The following DEFB108B variants were observed in gnomAD, a reference collection of about 807,000 sequenced individuals.
DEFB108B encodes beta-defensin 108B.
A neutral mutation model predicts 2.4 loss-of-function variants in DEFB108B; 3 were observed. The observed-to-expected ratio is 1.25, with a 90% confidence interval of 0.57 to 3.24. DEFB108B has a LOEUF of 3.24. Ranked by LOEUF, DEFB108B falls within the 30% of genes most tolerant of loss-of-function variation. The pLI is 0.03. For synonymous variants in DEFB108B, 25 were observed against 28.7 expected (o/e 0.87, Z 0.41); for missense variants, 101 against 87.8 (o/e 1.15, Z -0.60).
chr11:71,834,397 A>T (rs754261402), intron 1 of DEFB108B, among the ~76,000 whole-genome samples: 2 of 152,214 alleles, frequency 1.3e-5, no homozygotes, highest in Non-Finnish European at 2.9e-5. Context: ...ATATTTTAAA[A>T]TATGTGTCTT....
rs1952191847 is a variant in DEFB108B at position 71,833,263 on chromosome 11, A to G, written c.58+6A>G. ...TATGAGCCAAGTTCTACCAGGTAAC[A>G]AAATAAACTTGGTAAGAGTAGAGTG... On this transcript the variant is annotated splice_donor_region_variant and intron_variant, in intron 1 of 1. Coordinates refer to ENST00000328698, the MANE Select transcript of DEFB108B (RefSeq NM_001002035.2). The G allele has an allele frequency of 5.2e-6, 8 of 1,547,278 alleles. No homozygotes were observed. The East Asian group carries it at 1.6e-4, about 30-fold the overall frequency.
In DEFB108B at chr11:71,837,500, C is replaced by A. The variant is rs1211992418; in HGVS notation, c.160C>A (p.Pro54Thr). 1.9e-6 allele frequency: 3 copies of A among 1,611,796 alleles called. No homozygotes were observed. The highest frequency in any genetic ancestry group is 2.2e-5 in the East Asian group (1 of 44,902). ...TGTTGGGAGATGTTTAAATAGCCAA[C>A]CCTGCTGCCTGCCTCTGGGGCATCA... ...IHVGRCLNSQPCCLPLGHQPR... is the reference protein window; with the variant it reads ...IHVGRCLNSQTCCLPLGHQPR... The change falls in exon 2 of 2, where the codon CCC becomes ACC. Residue 54 changes from proline to threonine, a missense_variant. Coordinates refer to ENST00000328698, the MANE Select transcript of DEFB108B (RefSeq NM_001002035.2).
intron 1 of DEFB108B, chr11:71,834,587 A>C (rs946584127): frequency 7.2e-5 from 11 of 152,234 alleles, no homozygotes; most frequent in African/African-American, 2.7e-4. Context: ...ACAAGACTGG[A>C]GAAGAAAACA....
In DEFB108B at chr11:71,835,310, C is replaced by T. The variant is rs111859745; in HGVS notation, c.58+2053C>T. Among the ~76,000 whole-genome samples the T allele has an allele frequency of 5.4e-3, 826 of 152,156 alleles. 7 individuals carry two copies. Among genetic ancestry groups the T allele is most frequent in the African/African-American group, 0.019 (794 of 41,486 alleles). On this transcript the variant is annotated intron_variant, in intron 1 of 1. Coordinates refer to ENST00000328698, the MANE Select transcript of DEFB108B (RefSeq NM_001002035.2). Reference sequence around the variant, plus strand: ...ATGTCCATGTGCACTTATTGCTCGGCCCCCCCTTATAACTGAGAATATGTG... The same window carrying T: ...ATGTCCATGTGCACTTATTGCTCGGTCCCCCCTTATAACTGAGAATATGTG...
At chr11:71,833,732 G>A (rs569590020) in intron 1 of DEFB108B, among the ~76,000 whole-genome samples, 1 of 152,242 alleles carries the variant, frequency 6.6e-6, no homozygotes, top group South Asian at 2.1e-4. Flanking sequence ...AATACTGTTG[G>A]TCACTGGGGC....
intron 1 of DEFB108B, among the ~76,000 whole-genome samples, chr11:71,836,697 G>A (rs1235193535): frequency 1.3e-5 from 2 of 152,122 alleles, no homozygotes; most frequent in Non-Finnish European, 2.9e-5. Context: ...CTTAATATAT[G>A]CAATGGTTTC....
intron 1 of DEFB108B, among the ~76,000 whole-genome samples, chr11:71,835,307 C>T (rs980919891): frequency 1.4e-4 from 21 of 152,178 alleles, no homozygotes; most frequent in Middle Eastern, 3.4e-3. Flanking sequence ...ACTTATTGCT[C>T]GGCCCCCCCT....
rs1489562392 is a variant in DEFB108B, at chr11:71,837,571, G to A, written c.*9G>A. The A allele has an allele frequency of 6.2e-7, 1 of 1,607,518 alleles. No individual in the cohort carries two copies. Among genetic ancestry groups the A allele is most frequent in the Non-Finnish European group, 8.5e-7 (1 of 1,177,482 alleles). On this transcript the variant is annotated 3_prime_UTR_variant, in exon 2 of 2. Coordinates refer to ENST00000328698, the MANE Select transcript of DEFB108B (RefSeq NM_001002035.2). ...CACCCAAAAAGGACTGAAGCCTGTTGTTTTCTGGAGGTTTTATGTTCTCTT... is the reference window on the plus strand; with the variant it reads ...CACCCAAAAAGGACTGAAGCCTGTTATTTTCTGGAGGTTTTATGTTCTCTT...
intron 1 of DEFB108B, among the ~76,000 whole-genome samples, chr11:71,833,984 A>G (rs1955061): frequency 0.74 from 111,843 of 152,126 alleles, 42,396 homozygotes; most frequent in African/African-American, 0.92. Context: ...GACACCCAAA[A>G]TAGATCCAAA....
chr11:71,836,320 C>T (rs1205950114), intron 1 of DEFB108B, among the ~76,000 whole-genome samples: 3 of 152,112 alleles, frequency 2.0e-5, no homozygotes, highest in Non-Finnish European at 4.4e-5. Context: ...TGCTTTGTGA[C>T]CACTGAAAAG....
intron 1 of DEFB108B, among the ~76,000 whole-genome samples, chr11:71,833,632 C>A (rs1480059730): frequency 6.6e-6 from 1 of 152,228 alleles, no homozygotes; most frequent in Non-Finnish European, 1.5e-5. Flanking sequence ...TATGCCAAAG[C>A]TGTGGTAGGC....
intron 1 of DEFB108B, among the ~76,000 whole-genome samples, chr11:71,834,083 A>G (rs563253630): frequency 1.3e-5 from 2 of 152,314 alleles, no homozygotes; most frequent in South Asian, 4.1e-4. Flanking sequence ...GAAAAAAATT[A>G]AGGCCCTGGA....
intron 1 of DEFB108B, among the ~76,000 whole-genome samples, chr11:71,833,830 C>G (rs145094229): frequency 0.011 from 1,645 of 152,282 alleles, 22 homozygotes; most frequent in Middle Eastern, 0.031. Flanking sequence ...AATTTAAACA[C>G]AGGAACCAGG....
chr11:71,837,575 T>C lies in DEFB108B; in HGVS notation c.*13T>C, dbSNP rs1224120781. On this transcript the variant is annotated 3_prime_UTR_variant, in exon 2 of 2. Transcript: ENST00000328698. ...CAAAAAGGACTGAAGCCTGTTGTTT[T>C]CTGGAGGTTTTATGTTCTCTTTTTT... 6.2e-7 allele frequency: 1 copy of C among 1,607,594 alleles called. No homozygotes were observed. Among genetic ancestry groups the C allele is most frequent in the Admixed American group, 1.7e-5 (1 of 59,608 alleles).
At chr11:71,835,288 T>A (rs1219295122) in intron 1 of DEFB108B, among the ~76,000 whole-genome samples, 1 of 152,138 alleles carries the variant, frequency 6.6e-6, no homozygotes, top group Non-Finnish European at 1.5e-5. Context: ...CATTTTTATG[T>A]CCATGTGCAC....
chr11:71,837,530 A>G lies in DEFB108B; in HGVS notation c.190A>G (p.Arg64Gly), dbSNP rs762496329. ...CTGCCTGCCTCTGGGGCATCAACCA[A>G]GAATTGAGAGCACTACACCCAAAAA... ...PCCLPLGHQP[R>G]IESTTPKKD The change falls in exon 2 of 2, where the codon AGA becomes GGA. Residue 64 changes from arginine to glycine, a missense_variant. By Grantham distance (125) the Arg-to-Gly change is moderately radical. Coordinates refer to ENST00000328698, the MANE Select transcript of DEFB108B (RefSeq NM_001002035.2). The G allele has an allele frequency of 9.3e-6, 15 of 1,611,768 alleles. No homozygotes were observed. In the South Asian group the frequency reaches 1.4e-4, roughly 15 times the overall value.
intron 1 of DEFB108B, chr11:71,834,727 G>T (rs1346000665): frequency 6.6e-6 from 1 of 152,246 alleles, no homozygotes; most frequent in Non-Finnish European, 1.5e-5. Flanking sequence ...CAGAGAGAGG[G>T]CAAGAGTGGA....
intron 1 of DEFB108B, chr11:71,834,592 A>G (rs1952203051): frequency 2.6e-5 from 4 of 152,254 alleles, no homozygotes; most frequent in Admixed American, 2.6e-4. Flanking sequence ...ACTGGAGAAG[A>G]AAACACAGGA....
intron 1 of DEFB108B, among the ~76,000 whole-genome samples, chr11:71,835,169 T>C (rs1270595181): frequency 6.6e-6 from 1 of 152,162 alleles, no homozygotes; most frequent in Non-Finnish European, 1.5e-5. Flanking sequence ...ATATTGAGGT[T>C]TGGGGTATGA....
Sources: allele counts gnomAD v4.1 joint callset (sites outside exome capture counted in the v4.1 genomes callset), GRCh38; gene constraint gnomAD v4.1.1; transcripts MANE v1.5; gene names NCBI Gene and HGNC (gene_info 2026-07-23, HGNC 2026-07-21).